Variants in CCDC93 observed in about 807,000 individuals in gnomAD.
CCDC93 encodes the protein CCC complex scaffolding subunit CCDC93, also known as coiled-coil domain-containing protein 93.
In CCDC93, 61 loss-of-function variants were observed where a neutral mutation model predicts 108.2. The observed-to-expected ratio is 0.56, with a 90% CI of 0.46 to 0.70. The LOEUF is 0.70. Ranked by LOEUF, CCDC93 falls within the 30% of genes least tolerant of loss-of-function variation. The pLI is 0.00. For synonymous variants in CCDC93, 276 were observed against 260.4 expected, an observed-to-expected ratio of 1.06 and a Z score of -0.58; for missense variants, 685 against 764.2, an observed-to-expected ratio of 0.90 and a Z score of 1.22.
At chr2:117,969,787 C>T (rs1679703640) in intron 11 of CCDC93, among the ~76,000 whole-genome samples, 1 of 152,208 alleles carries the variant, frequency 6.6e-6, no homozygotes, top group South Asian at 2.1e-4. Context: ...ATTACGCATA[C>T]ATAGCTTTAA....
rs1268305331 is a variant in CCDC93, at chr2:117,996,527, T to TG, written c.364-166dup. ...CTGTTCTATAGGAAAAGCAACCAGC[T>TG]GGGTATCCAAGATGTTAAGATCCAA... On this transcript the variant is annotated intron_variant, in intron 4 of 23. Coordinates refer to ENST00000376300, the MANE Select transcript of CCDC93 (RefSeq NM_019044.5). 6 of 551,588 alleles carry TG rather than the reference T, an allele frequency of 1.1e-5. No homozygotes were observed. In the African/African-American group the frequency reaches 1.1e-4, roughly 10 times the overall value. The allele number at this position is 551,588 out of a possible 1,614,324, so 34.2% of individuals were successfully genotyped here.
chr2:117,930,668 G>A (rs1189977552), intron 23 of CCDC93: 1 of 161,028 alleles, frequency 6.2e-6, no homozygotes, highest in East Asian at 1.8e-4. Context: ...AGCTTCTTGA[G>A]GTCCCTCCCC....
chr2:117,981,835 C>G (rs1209796368), intron 7 of CCDC93, among the ~76,000 whole-genome samples: 1 of 152,110 alleles, frequency 6.6e-6, no homozygotes, highest in Non-Finnish European at 1.5e-5. Context: ...TAGTGGCTAC[C>G]ATACTGGACA....
chr2:117,920,388 G>C lies in CCDC93; in HGVS notation c.1851C>G (p.Arg617=). The change falls in exon 24 of 24, where the codon CGC becomes CGG. Residue 617 remains arginine (R), a synonymous_variant. Transcript: ENST00000376300. ...KTVKEFKEEG[R]KNEMLLSKVK... is the part of the protein sequence containing the mutation. The stretch of plus-strand genomic sequence containing the variant: ...CCTTGGACAGCAGCATCTCGTTCTT[G>C]CGGCCCTCCTGGAGGGAAAGCAGAG... The C allele has an allele frequency of 6.2e-7, 1 of 1,612,552 alleles. No homozygotes were observed. The highest frequency in any genetic ancestry group is 8.5e-7 in the Non-Finnish European group (1 of 1,178,784).
At chr2:117,962,382 G>A (rs1411859130) in intron 11 of CCDC93, among the ~76,000 whole-genome samples, 1 of 152,148 alleles carries the variant, frequency 6.6e-6, no homozygotes, top group African/African-American at 2.4e-5. Context: ...AGTGGCTCGC[G>A]CCTGTAATCC....
At chr2:117,983,690 C>T (rs887922217) in intron 7 of CCDC93, among the ~76,000 whole-genome samples, 1 of 148,254 alleles carries the variant, frequency 6.7e-6, no homozygotes, top group African/African-American at 2.5e-5. Flanking sequence ...TCATATAATC[C>T]TCATTTAATG....
intron 1 of CCDC93, chr2:118,012,365 G>C (rs1334295747): frequency 6.6e-6 from 1 of 152,130 alleles, no homozygotes; most frequent in Non-Finnish European, 1.5e-5. Context: ...ACTAGCTTCT[G>C]AACTAAATGA....
intron 4 of CCDC93, among the ~76,000 whole-genome samples, chr2:117,998,588 T>G (rs768116844): frequency 6.6e-6 from 1 of 152,210 alleles, no homozygotes; most frequent in South Asian, 2.1e-4. Flanking sequence ...ACCACTAGCC[T>G]GGGCCCTCCC....
Position 117,918,386 on chromosome 2 carries a change from G to C in CCDC93, c.*1957C>G, listed in dbSNP as rs764596078. The C allele has an allele frequency of 5.9e-5, 9 of 151,944 alleles. No individual in the cohort carries two copies. The highest frequency in any genetic ancestry group is 1.0e-4 in the Non-Finnish European group (7 of 68,008). 9.4% of individuals were successfully genotyped at this position (151,944 alleles called of 1,614,324 possible). ...AAACCAAACCAAATGAAACTCCTAT[G>C]AAATACAGCTCAAAATAAATGCCTG... On this transcript the variant is annotated 3_prime_UTR_variant, in exon 24 of 24. Coordinates refer to ENST00000376300, the MANE Select transcript of CCDC93 (RefSeq NM_019044.5).
At chr2:117,940,704 C>T (rs1678673702) in intron 19 of CCDC93, among the ~76,000 whole-genome samples, 1 of 152,148 alleles carries the variant, frequency 6.6e-6, no homozygotes. Flanking sequence ...GCAATGGCAG[C>T]CTTGAGGGCC....
chr2:118,003,249 C>A (rs1676761192), intron 3 of CCDC93, among the ~76,000 whole-genome samples: 2 of 152,214 alleles, frequency 1.3e-5, no homozygotes, highest in Admixed American at 1.3e-4. Context: ...GAAGCACTAA[C>A]AAACCCATTT....
intron 12 of CCDC93, 104 bp downstream of exon 12, chr2:117,958,261 T>G: frequency 1.4e-6 from 1 of 702,890 alleles, no homozygotes; most frequent in Non-Finnish European, 2.6e-6. Context: ...AAGTGGCAAC[T>G]GGACTGGCCC....
At position 117,943,084 on chromosome 2, in the gene CCDC93, C is replaced by T. The variant is rs75468030; in HGVS notation, c.1413+940G>A. On this transcript the variant is annotated intron_variant, in intron 18 of 23. Coordinates refer to ENST00000376300, the MANE Select transcript of CCDC93 (RefSeq NM_019044.5). Reference sequence around the variant, plus strand: ...CATCAGTTCATTTCCATGCATTCTACAGCCACTGCCTAACTCAGGCCCTTG... The same window carrying T: ...CATCAGTTCATTTCCATGCATTCTATAGCCACTGCCTAACTCAGGCCCTTG... Among the ~76,000 whole-genome samples, 32 of 152,338 alleles carry T rather than the reference C, an allele frequency of 2.1e-4. No individual in the cohort carries two copies. The East Asian group carries it at 6.2e-3, about 29-fold the overall frequency.
intron 11 of CCDC93, among the ~76,000 whole-genome samples, chr2:117,973,499 T>C (rs1450198712): frequency 2.0e-5 from 3 of 152,018 alleles, no homozygotes; most frequent in Non-Finnish European, 4.4e-5. Context: ...AACAAAAAAT[T>C]CTGCCTCGGG....
chr2:117,934,806 C>T (rs1573468045), intron 22 of CCDC93: 1 of 152,266 alleles, frequency 6.6e-6, no homozygotes, highest in East Asian at 1.9e-4. Flanking sequence ...GTCGGAGAAC[C>T]ACTCTGGCGT....
chr2:117,961,489 T>C (rs41470450), intron 11 of CCDC93, among the ~76,000 whole-genome samples: 59,563 of 152,052 alleles, frequency 0.39, 12,310 homozygotes, highest in East Asian at 0.68. Flanking sequence ...AAGTTATTTT[T>C]AGTCAGATAA....
intron 4 of CCDC93, 24 bp downstream of exon 4, chr2:118,000,797 A>C: frequency 6.7e-7 from 1 of 1,491,210 alleles, no homozygotes; most frequent in South Asian, 1.1e-5. Flanking sequence ...TTAAGAGGAC[A>C]AGAAACCACA....
At chr2:117,968,659 T>C (rs1293188532) in intron 11 of CCDC93, among the ~76,000 whole-genome samples, 1 of 152,268 alleles carries the variant, frequency 6.6e-6, no homozygotes, top group East Asian at 1.9e-4. Flanking sequence ...ACATGTTTTT[T>C]ACCTTGTTTT....
Position 117,958,392 on chromosome 2 carries a change from A to T in CCDC93, c.978T>A (p.Ile326=). 1 of 1,612,212 alleles carries T rather than the reference A, an allele frequency of 6.2e-7. No individual in the cohort carries two copies. Residue 326 remains isoleucine (I), a synonymous_variant, in exon 12 of 24, where the codon ATT becomes ATA. Transcript: ENST00000376300. ...CTTCAAGATGTTTGGTCTTTTGCGC[A>T]ATCTGTTTGTTCAAGGAAATGACTT... ...RRKVISLNKQ[I]AQKTKHLEEL... is the part of the protein sequence containing the mutation.
Sources: gnomAD v4.1 joint callset for allele counts (sites outside exome capture counted in the v4.1 genomes callset) on GRCh38, gnomAD v4.1.1 for gene constraint, MANE v1.5 for transcripts, NCBI Gene and HGNC (gene_info 2026-07-23, HGNC 2026-07-21) for gene names.